DLG2: variants seen among roughly 807,000 people sequenced by gnomAD.
DLG2 encodes disks large homolog 2.
In DLG2, 45 loss-of-function variants were observed where a neutral mutation model predicts 132.5. That is an observed-to-expected ratio of 0.34 (90% CI 0.27 to 0.44). DLG2 has a LOEUF of 0.44. Ranked by LOEUF, DLG2 falls within the 20% of genes least tolerant of loss-of-function variation. The pLI is 1.00. For missense variants in DLG2, 1,045 were observed against 1,196.9 expected (o/e 0.87, Z 1.87); for synonymous variants, 424 against 419.6 (o/e 1.01, Z -0.13).
At chr11:83,730,228 T>C (rs1005319049) in intron 18 of DLG2, among the ~76,000 whole-genome samples, 3 of 151,148 alleles carry the variant, frequency 2.0e-5, no homozygotes, top group East Asian at 1.9e-4. Context: ...TCTGCTATAA[T>C]TGCACACATT....
chr11:84,257,913 C>T (rs987134815), intron 7 of DLG2, among the ~76,000 whole-genome samples: 1 of 152,034 alleles, frequency 6.6e-6, no homozygotes, highest in Non-Finnish European at 1.5e-5. Flanking sequence ...TCTCGAACTC[C>T]TAGACTCAAG....
At chr11:84,211,561 G>C (rs1387373760) in intron 8 of DLG2, among the ~76,000 whole-genome samples, 2 of 151,960 alleles carry the variant, frequency 1.3e-5, no homozygotes, top group Non-Finnish European at 2.9e-5. Context: ...ATTTGTAACA[G>C]GTTTTAAAAA....
At chr11:85,123,584 T>C (rs1594560882) in intron 5 of DLG2, among the ~76,000 whole-genome samples, 2 of 152,108 alleles carry the variant, frequency 1.3e-5, no homozygotes, top group African/African-American at 2.4e-5. Context: ...CAGAGCAGAG[T>C]AGGAGAACTG....
At chr11:85,608,197 A>G (rs759988794) in intron 2 of DLG2, among the ~76,000 whole-genome samples, 2 of 152,118 alleles carry the variant, frequency 1.3e-5, no homozygotes, top group Admixed American at 6.5e-5. Context: ...AACCAAAACC[A>G]TGGGTGGTTT....
intron 3 of DLG2, among the ~76,000 whole-genome samples, chr11:85,433,869 T>G (rs145108507): frequency 6.6e-6 from 1 of 152,304 alleles, no homozygotes; most frequent in East Asian, 1.9e-4. Context: ...ATATACAGTC[T>G]TCTCAGTGCC....
intron 6 of DLG2, among the ~76,000 whole-genome samples, chr11:84,897,798 A>G (rs1048954308): frequency 6.6e-6 from 1 of 151,904 alleles, no homozygotes; most frequent in Non-Finnish European, 1.5e-5. Context: ...TAACTTCTTT[A>G]GAGTAAAGCA....
chr11:83,774,138 G>T (rs1368748034), intron 18 of DLG2, among the ~76,000 whole-genome samples: 1 of 152,156 alleles, frequency 6.6e-6, no homozygotes, highest in Non-Finnish European at 1.5e-5. Flanking sequence ...CTCTTCAGAG[G>T]ACAGTTTATT....
At chr11:83,892,803 C>A (rs1437168768) in intron 15 of DLG2, among the ~76,000 whole-genome samples, 1 of 152,054 alleles carries the variant, frequency 6.6e-6, no homozygotes, top group African/African-American at 2.4e-5. Context: ...TCCCAATCAC[C>A]TAACTGGCCA....
At chr11:83,916,239 T>C (rs187358779) in intron 15 of DLG2, among the ~76,000 whole-genome samples, 1 of 152,152 alleles carries the variant, frequency 6.6e-6, no homozygotes, top group Non-Finnish European at 1.5e-5. Flanking sequence ...AGGATGTATG[T>C]TTTCATTTCT....
At chr11:84,546,753 T>C (rs1039491882) in intron 6 of DLG2, 12 of 388,874 alleles carry the variant, frequency 3.1e-5, no homozygotes, top group Admixed American at 2.6e-4. Flanking sequence ...ACAATGGCTC[T>C]TCAGACTCTC....
chr11:84,536,185 C>G (rs1276258375), intron 6 of DLG2, among the ~76,000 whole-genome samples: 2 of 152,154 alleles, frequency 1.3e-5, no homozygotes, highest in Admixed American at 6.5e-5. Context: ...CCAAAGAACT[C>G]TCACAAACTT....
intron 6 of DLG2, among the ~76,000 whole-genome samples, chr11:84,630,275 AG>A (rs2099629248): frequency 6.6e-6 from 1 of 152,176 alleles, no homozygotes; most frequent in Admixed American, 6.5e-5. Flanking sequence ...ATAACTCAGA[AG>A]GGGCAACAGA....
At chr11:83,961,916 A>G (rs1367512562) in intron 14 of DLG2, among the ~76,000 whole-genome samples, 7 of 152,192 alleles carry the variant, frequency 4.6e-5, no homozygotes, top group Admixed American at 2.6e-4. Context: ...CCTTGGCTAA[A>G]GATATAAAGA....
intron 7 of DLG2, among the ~76,000 whole-genome samples, chr11:84,479,936 A>C (rs1029247478): frequency 5.9e-5 from 9 of 152,126 alleles, no homozygotes; most frequent in Non-Finnish European, 1.0e-4. Context: ...AAAATAGCAA[A>C]CATTAGTTTG....
chr11:85,498,995 T>C (rs573611079), intron 3 of DLG2, among the ~76,000 whole-genome samples: 210 of 152,022 alleles, frequency 1.4e-3, no homozygotes, highest in Non-Finnish European at 2.4e-3. Context: ...GCTGAAGAGA[T>C]CTAAAATCAA....
At chr11:85,392,621 G>A (rs1257871117) in intron 3 of DLG2, among the ~76,000 whole-genome samples, 2 of 151,946 alleles carry the variant, frequency 1.3e-5, no homozygotes, top group Non-Finnish European at 1.5e-5. Flanking sequence ...ATAAAAACAG[G>A]CATATAGACC....
At chr11:83,668,869 T>A (rs75336444) in intron 18 of DLG2, among the ~76,000 whole-genome samples, 3,312 of 128,268 alleles carry the variant, frequency 0.026, 230 homozygotes, top group South Asian at 0.039. Context: ...ATATATATAT[T>A]TTTTTTTTAT....
chr11:84,217,262 G>C (rs1280267540), intron 8 of DLG2, among the ~76,000 whole-genome samples: 1 of 152,166 alleles, frequency 6.6e-6, no homozygotes, highest in East Asian at 1.9e-4. Flanking sequence ...TTGAATTATA[G>C]CTTCCACAAT....
intron 8 of DLG2, among the ~76,000 whole-genome samples, chr11:84,174,701 T>G (rs12789896): frequency 0.06 from 9,057 of 152,188 alleles, 343 homozygotes; most frequent in African/African-American, 0.097. Flanking sequence ...GGTGTGGGAA[T>G]CTCCCATTTT....
Sources: gnomAD v4.1 joint callset for allele counts (sites outside exome capture counted in the v4.1 genomes callset) on GRCh38, gnomAD v4.1.1 for gene constraint, MANE v1.5 for transcripts, NCBI Gene and HGNC (gene_info 2026-07-23, HGNC 2026-07-21) for gene names.